The following KIAA1549 variants were observed in gnomAD, a reference collection of about 807,000 sequenced individuals.
The protein encoded by KIAA1549 is KIAA1549, also known as UPF0606 protein KIAA1549.
In KIAA1549, 70 loss-of-function variants were observed where a neutral mutation model predicts 156.4. That is an observed-to-expected ratio of 0.45 (90% CI 0.37 to 0.55). The LOEUF is 0.55. KIAA1549 is among the 20% of genes least tolerant of loss of function. KIAA1549 has a pLI of 0.00. For missense variants in KIAA1549, 2,428 were observed against 2,540.9 expected, an observed-to-expected ratio of 0.96 and a Z score of 0.96; for synonymous variants, 1,103 against 1,066.4, an observed-to-expected ratio of 1.03 and a Z score of -0.67.
intron 1 of KIAA1549, among the ~76,000 whole-genome samples, chr7:138,925,075 T>G (rs757666296): frequency 6.6e-6 from 1 of 152,118 alleles, no homozygotes; most frequent in Non-Finnish European, 1.5e-5. Context: ...ACCAGGCACC[T>G]GCACCTCGCC....
In KIAA1549 at chr7:138,833,554, A is replaced by G. The variant is rs74871065; in HGVS notation, c.*4352T>C. The G allele has an allele frequency of 4.2e-3, 979 of 232,698 alleles. 9 individuals are homozygous for G. The highest frequency in any genetic ancestry group is 0.02 in the African/African-American group (902 of 45,440). The allele number at this position is 232,698 out of a possible 1,614,324, so 14.4% of individuals were successfully genotyped here. A position where few individuals can be genotyped will look rare whatever the true frequency, so the allele number is the denominator to read the frequency against. On this transcript the variant is annotated 3_prime_UTR_variant, in exon 20 of 20. Coordinates refer to ENST00000422774, the MANE Select transcript of KIAA1549 (RefSeq NM_001164665.2). Reference sequence around the variant, plus strand: ...GGAAAGATCTGGCCGGCAAACACCCACTGCTTAAAAGTCATCTGCCACCCA... The same window carrying G: ...GGAAAGATCTGGCCGGCAAACACCCGCTGCTTAAAAGTCATCTGCCACCCA...
chr7:138,881,454 G>A lies in KIAA1549; in HGVS notation c.4163C>T (p.Ser1388Leu), dbSNP rs1419586011. ...PGPLKDHTTP[S>L]ENGDVPSPKS... ...GGGGCTTGGCACGTCTCCATTTTCC[G>A]AGGGCGTGGTGTGGTCCTTCAGAGG... The change falls in exon 11 of 20, where the codon TCG becomes TTG. Residue 1388 changes from serine to leucine, a missense_variant. By Grantham distance (145) the Ser-to-Leu change is moderately radical. This residue lies in a region of KIAA1549 where 762 missense variants were observed against 901.6 expected (regional missense o/e 0.85). Coordinates refer to ENST00000422774, the MANE Select transcript of KIAA1549 (RefSeq NM_001164665.2). The A allele has an allele frequency of 7.4e-6, 12 of 1,613,904 alleles. No homozygotes were observed. Among genetic ancestry groups the A allele is most frequent in the Admixed American group, 3.3e-5 (2 of 60,006 alleles).
chr7:138,931,667 T>C (rs1286701676), intron 1 of KIAA1549, among the ~76,000 whole-genome samples: 3 of 150,122 alleles, frequency 2.0e-5, no homozygotes, highest in African/African-American at 4.9e-5. Context: ...CAGGAGACTC[T>C]CTTGAACCCA....
At chr7:138,928,532 C>T (rs774903071) in intron 1 of KIAA1549, among the ~76,000 whole-genome samples, 9 of 152,348 alleles carry the variant, frequency 5.9e-5, no homozygotes, top group Non-Finnish European at 1.3e-4. Context: ...GGTGATCCAC[C>T]CGCCTCAGCC....
At chr7:138,844,119 G>C (rs537855388) in intron 18 of KIAA1549, among the ~76,000 whole-genome samples, 198 bp downstream of exon 18, 240 of 152,318 alleles carry the variant, frequency 1.6e-3, no homozygotes, top group Non-Finnish European at 2.5e-3. Flanking sequence ...CCTGGTTCCA[G>C]AGCCAATCAG....
intron 7 of KIAA1549, 109 bp downstream of exon 7, chr7:138,904,913 T>C: frequency 4.4e-6 from 3 of 681,894 alleles, no homozygotes. Context: ...GAATGTAAGG[T>C]ACATTTTGCC....
chr7:138,902,873 C>A (rs1026084286), intron 8 of KIAA1549, among the ~76,000 whole-genome samples: 1 of 151,988 alleles, frequency 6.6e-6, no homozygotes, highest in Non-Finnish European at 1.5e-5. Flanking sequence ...TATGCAGTGT[C>A]ATCCAAAGGT....
At chr7:138,898,036 T>C (rs1811736641) in intron 9 of KIAA1549, among the ~76,000 whole-genome samples, 6 of 151,532 alleles carry the variant, frequency 4.0e-5, no homozygotes, top group Admixed American at 3.9e-4. Context: ...CCGGGTGCAG[T>C]GGCTCACACC....
At chr7:138,932,428 TAG>T (rs1812898420) in intron 1 of KIAA1549, among the ~76,000 whole-genome samples, 1 of 151,708 alleles carries the variant, frequency 6.6e-6, no homozygotes. Flanking sequence ...AACTCTAAAG[TAG>T]AGTCAGAGAA....
rs543152067 is a variant in KIAA1549 at position 138,840,209 on chromosome 7, G to A, written c.5522C>T (p.Pro1841Leu). Residue 1841 changes from proline (P) to leucine (L), a missense_variant, in exon 19 of 20, where the codon CCG (proline) becomes CTG (leucine). By Grantham distance (98) the Pro-to-Leu change is moderately conservative (BLOSUM62 -3). Transcript: ENST00000422774. ...SRIGAQPVEI[P>L]PSRGSQYGGP... Reference sequence around the variant, plus strand: ...CCCATACTGGCTGCCTCTGCTTGGCGGGATTTCCACTGGCTGAGCTCCAAT... The same window carrying A: ...CCCATACTGGCTGCCTCTGCTTGGCAGGATTTCCACTGGCTGAGCTCCAAT... The A allele has an allele frequency of 2.4e-5, 38 of 1,577,906 alleles. 1 individual carries two copies. The highest frequency in any genetic ancestry group is 1.7e-4 in the South Asian group (15 of 85,788).
intron 1 of KIAA1549, among the ~76,000 whole-genome samples, chr7:138,960,668 G>A (rs1350704004): frequency 6.6e-6 from 1 of 152,150 alleles, no homozygotes; most frequent in African/African-American, 2.4e-5. Context: ...GCAAAGGGCT[G>A]AACCTCCCAG....
chr7:138,912,589 G>A, intron 2 of KIAA1549, 129 bp from the exon 3 acceptor site: 1 of 719,866 alleles, frequency 1.4e-6, no homozygotes, highest in South Asian at 1.6e-5. Context: ...TAAAATAAAG[G>A]CCAGACCAAG....
intron 6 of KIAA1549, among the ~76,000 whole-genome samples, chr7:138,905,719 T>A (rs73168946): frequency 0.024 from 3,604 of 152,134 alleles, 69 homozygotes; most frequent in Non-Finnish European, 0.038. Context: ...TTTTTTTTTT[T>A]AAATAAACGT....
rs763932528 is a variant in KIAA1549 at position 138,918,178 on chromosome 7, G to A, written c.1448C>T (p.Thr483Met). The stretch of plus-strand genomic sequence containing the variant: ...GACGATAGGTCTGGAGGGGAAAAGC[G>A]TATTAAATACTTGAGGATCTTCCTC... ...EFEEDPQVFN[T>M]LFPSRPIVPL... Residue 483 changes from threonine (T) to methionine (M), a missense_variant, in exon 2 of 20, where the codon ACG becomes ATG. By Grantham distance (81) the Thr-to-Met change is moderately conservative. Transcript: ENST00000422774. The surrounding 1 kb of genome is among the most constrained non-coding windows in gnomAD (Gnocchi z 4.2). 37 of 1,613,812 alleles carry A rather than the reference G, an allele frequency of 2.3e-5. No homozygotes were observed. The highest frequency in any genetic ancestry group is 1.8e-4 in the East Asian group (8 of 44,896).
chr7:138,895,289 C>T (rs1403602129), intron 9 of KIAA1549, among the ~76,000 whole-genome samples: 2 of 152,182 alleles, frequency 1.3e-5, no homozygotes, highest in Non-Finnish European at 2.9e-5. Context: ...TGCAACTGGT[C>T]GTTTCCCCTT....
Position 138,917,735 on chromosome 7 carries a change from G to C in KIAA1549, c.1891C>G (p.Pro631Ala), listed in dbSNP as rs1267468907. Reference protein sequence around the residue: ...DFASSFFSTPPLELSGSISSP... With the variant: ...DFASSFFSTPALELSGSISSP... ...GAGATGGAGCCGCTGAGTTCCAGCG[G>C]GGGTGTTGAGAAAAAGCTGGATGCA... Residue 631 changes from proline to alanine, a missense_variant, in exon 2 of 20, where the codon CCG becomes GCG. By Grantham distance (27) the Pro-to-Ala change is conservative. Transcript: ENST00000422774. 1.9e-6 allele frequency: 3 copies of C among 1,588,852 alleles called. No individual in the cohort carries two copies. Among genetic ancestry groups the C allele is most frequent in the Non-Finnish European group, 2.6e-6 (3 of 1,167,530 alleles).
chr7:138,965,417 C>T (rs1468707232), intron 1 of KIAA1549, among the ~76,000 whole-genome samples: 1 of 152,138 alleles, frequency 6.6e-6, no homozygotes, highest in African/African-American at 2.4e-5. Flanking sequence ...TCTTGAACTC[C>T]TGGGCTCAAG....
chr7:138,903,835 GTGTGTGTGTGTGT>G, intron 7 of KIAA1549, 99 bp from the exon 8 acceptor site: 1 of 598,010 alleles, frequency 1.7e-6, no homozygotes, highest in Non-Finnish European at 2.5e-6. Flanking sequence ...GTGTGTGTGT[GTGTGTGTGTGTGT>G]GTGTGCGCGC....
At chr7:138,894,669 G>A in intron 9 of KIAA1549, 143 bp from the exon 10 acceptor site, 1 of 716,466 alleles carries the variant, frequency 1.4e-6, no homozygotes, top group Non-Finnish European at 2.3e-6. Flanking sequence ...CTGATGACAG[G>A]AAATGTGACC....
Sources: gnomAD v4.1 joint callset for allele counts (sites outside exome capture counted in the v4.1 genomes callset) on GRCh38, gnomAD v4.1.1 for gene constraint, gnomAD v4.1.1 regional missense constraint, Gnocchi (gnomAD v3.1) non-coding constraint, MANE v1.5 for transcripts, NCBI Gene and HGNC (gene_info 2026-07-23, HGNC 2026-07-21) for gene names.